The following GLRA3 variants were observed in gnomAD, a reference collection of about 807,000 sequenced individuals.
GLRA3 encodes glycine receptor alpha 3.
GLRA3 carries 44 observed loss-of-function variants against 60.4 expected under a neutral mutation model. The observed-to-expected ratio is 0.73, with a 90% CI of 0.57 to 0.94. GLRA3 has a LOEUF of 0.94. Among genes scored for constraint, GLRA3 ranks in the 40% least tolerant of loss-of-function variants. The pLI is 0.00. For synonymous variants in GLRA3, 223 were observed against 192.9 expected (o/e 1.16, Z -1.29); for missense variants, 508 against 564.6 (o/e 0.90, Z 1.02).
At chr4:174,773,415 G>T (rs1448620888) in intron 2 of GLRA3, among the ~76,000 whole-genome samples, 1 of 151,502 alleles carries the variant, frequency 6.6e-6, no homozygotes, top group Non-Finnish European at 1.5e-5. Context: ...CGATATTATT[G>T]TTATTCATAT....
intron 3 of GLRA3, among the ~76,000 whole-genome samples, chr4:174,760,921 A>G (rs1434686435): frequency 6.6e-6 from 1 of 150,586 alleles, no homozygotes. Context: ...GGAGTATCTC[A>G]AAAAAAACAT....
intron 4 of GLRA3, among the ~76,000 whole-genome samples, chr4:174,718,602 T>A (rs1736010672): frequency 6.6e-6 from 1 of 152,246 alleles, no homozygotes; most frequent in African/African-American, 2.4e-5. Flanking sequence ...GCTGACTCTA[T>A]TATAGACTTT....
At chr4:174,700,844 C>T (rs925060372) in intron 5 of GLRA3, among the ~76,000 whole-genome samples, 8 of 152,170 alleles carry the variant, frequency 5.3e-5, no homozygotes. Context: ...GATCCTAACT[C>T]ATCCATATTA....
chr4:174,707,809 T>C (rs1406270817), intron 5 of GLRA3, among the ~76,000 whole-genome samples: 3 of 152,220 alleles, frequency 2.0e-5, no homozygotes, highest in Non-Finnish European at 4.4e-5. Context: ...CACAGTTGTG[T>C]GACCTTGGGA....
chr4:174,810,798 G>A (rs942372950), intron 1 of GLRA3, among the ~76,000 whole-genome samples: 4 of 152,082 alleles, frequency 2.6e-5, no homozygotes, highest in African/African-American at 9.7e-5. Flanking sequence ...TTAAAAAAAT[G>A]CCAGTTACAT....
At chr4:174,746,500 G>A (rs1198961490) in intron 3 of GLRA3, among the ~76,000 whole-genome samples, 5 of 152,112 alleles carry the variant, frequency 3.3e-5, no homozygotes, top group Non-Finnish European at 4.4e-5. Flanking sequence ...TGGGGAGACC[G>A]GGTAGTGGGA....
chr4:174,763,556 C>T (rs918199106), intron 3 of GLRA3, among the ~76,000 whole-genome samples: 1 of 152,168 alleles, frequency 6.6e-6, no homozygotes, highest in African/African-American at 2.4e-5. Flanking sequence ...CCTTTCTTTG[C>T]ATTTGCATTT....
chr4:174,687,588 C>T (rs1734594587), intron 5 of GLRA3, among the ~76,000 whole-genome samples: 1 of 152,148 alleles, frequency 6.6e-6, no homozygotes, highest in Admixed American at 6.5e-5. Context: ...CTGAACTTGT[C>T]ATGTTAAGGG....
At chr4:174,754,157 T>G (rs1190359521) in intron 3 of GLRA3, among the ~76,000 whole-genome samples, 1 of 152,178 alleles carries the variant, frequency 6.6e-6, no homozygotes, top group Non-Finnish European at 1.5e-5. Context: ...GCATGATGAT[T>G]ATAAGGATGA....
At chr4:174,796,773 G>A (rs563337335) in intron 1 of GLRA3, among the ~76,000 whole-genome samples, 3 of 152,154 alleles carry the variant, frequency 2.0e-5, no homozygotes, top group South Asian at 4.1e-4. Flanking sequence ...TTGATTTCGT[G>A]ATCCACCCTT....
At chr4:174,658,869 T>G (rs183309730) in intron 8 of GLRA3, among the ~76,000 whole-genome samples, 185 bp downstream of exon 8, 1 of 152,198 alleles carries the variant, frequency 6.6e-6, no homozygotes, top group Non-Finnish European at 1.5e-5. Flanking sequence ...TAGAGCTAGG[T>G]GTCATCATTT....
chr4:174,692,955 A>T (rs1394009720), intron 5 of GLRA3, among the ~76,000 whole-genome samples: 3 of 152,022 alleles, frequency 2.0e-5, no homozygotes, highest in Non-Finnish European at 2.9e-5. Context: ...AATAAAAAAA[A>T]AAAAAGAAAA....
At chr4:174,767,984 C>G (rs188892595) in intron 2 of GLRA3, among the ~76,000 whole-genome samples, 44 of 152,242 alleles carry the variant, frequency 2.9e-4, no homozygotes, top group Admixed American at 1.6e-3. Context: ...CAATGTTAAA[C>G]AATCTTCTAA....
intron 1 of GLRA3, among the ~76,000 whole-genome samples, chr4:174,814,154 G>A (rs1307461407): frequency 2.0e-5 from 3 of 152,200 alleles, no homozygotes; most frequent in Non-Finnish European, 2.9e-5. Context: ...GTGTTTAACA[G>A]CTCAATAGGG....
At chr4:174,736,727 A>G (rs575453232) in intron 3 of GLRA3, among the ~76,000 whole-genome samples, 1 of 152,294 alleles carries the variant, frequency 6.6e-6, no homozygotes, top group South Asian at 2.1e-4. Flanking sequence ...TAATAGTTTC[A>G]GAGATATATT....
chr4:174,720,191 A>G (rs1736079903), intron 4 of GLRA3, among the ~76,000 whole-genome samples: 1 of 152,162 alleles, frequency 6.6e-6, no homozygotes, highest in East Asian at 1.9e-4. Flanking sequence ...ATCATATTTA[A>G]CTGCCTATGA....
In GLRA3 at chr4:174,641,998, C is replaced by G. The variant is rs1579374778; in HGVS notation, c.*1788G>C. 1.4e-5 allele frequency: 3 copies of G among 211,268 alleles called. No homozygotes were observed. The highest frequency in any genetic ancestry group is 2.5e-5 in the Non-Finnish European group (3 of 122,378). The allele number at this position is 211,268 out of a possible 1,614,324, so 13.1% of individuals were successfully genotyped here. A position where few individuals can be genotyped will look rare whatever the true frequency, so the allele number is the denominator to read the frequency against. On this transcript the variant is annotated 3_prime_UTR_variant, in exon 10 of 10. Coordinates refer to ENST00000274093, the MANE Select transcript of GLRA3 (RefSeq NM_006529.4). ...ATGTTTAATTTTCAGGTGCACAGTC[C>G]TCAACGTGGGTACTTACAGAGTAAC...
intron 9 of GLRA3, among the ~76,000 whole-genome samples, chr4:174,651,317 T>C (rs1366594589): frequency 6.6e-6 from 1 of 152,164 alleles, no homozygotes; most frequent in East Asian, 1.9e-4. Context: ...ACATGGAAAG[T>C]CTGCATAGCC....
intron 1 of GLRA3, among the ~76,000 whole-genome samples, chr4:174,798,179 G>A (rs1172442328): frequency 6.6e-6 from 1 of 152,156 alleles, no homozygotes; most frequent in Non-Finnish European, 1.5e-5. Flanking sequence ...TTGCACAGAG[G>A]GAAGAATGAC....
Sources: allele counts gnomAD v4.1 joint callset (sites outside exome capture counted in the v4.1 genomes callset), GRCh38; gene constraint gnomAD v4.1.1; transcripts MANE v1.5; gene names NCBI Gene and HGNC (gene_info 2026-07-23, HGNC 2026-07-21).